Variants in ARHGAP24 observed in about 807,000 individuals in gnomAD.
ARHGAP24 encodes the protein rho GTPase-activating protein 24.
Under a neutral mutation model 76.4 loss-of-function variants are expected in ARHGAP24, and 50 were observed. The observed-to-expected ratio is 0.65, with a 90% CI of 0.52 to 0.83. ARHGAP24 has a LOEUF of 0.83. Ranked by LOEUF, ARHGAP24 falls within the 40% of genes least tolerant of loss-of-function variation. The probability of loss-of-function intolerance (pLI) is 0.00; values close to 1 mark genes in which losing one functional copy is unlikely to be tolerated. For missense variants in ARHGAP24, 930 were observed against 914.2 expected (o/e 1.02, Z -0.22); for synonymous variants, 345 against 323.3 (o/e 1.07, Z -0.72).
intron 1 of ARHGAP24, among the ~76,000 whole-genome samples, chr4:85,532,056 A>C (rs919698490): frequency 6.6e-6 from 1 of 152,000 alleles, no homozygotes; most frequent in Admixed American, 6.6e-5. Flanking sequence ...GCAAAGCACA[A>C]ATGTTTATCA....
intron 2 of ARHGAP24, among the ~76,000 whole-genome samples, chr4:85,579,444 C>G (rs1348555882): frequency 6.7e-6 from 1 of 148,386 alleles, no homozygotes; most frequent in South Asian, 2.1e-4. Context: ...TTTTTTTGCC[C>G]TTGATATATT....
chr4:85,630,121 TC>T (rs1375388433), intron 2 of ARHGAP24, among the ~76,000 whole-genome samples: 1 of 152,130 alleles, frequency 6.6e-6, no homozygotes. Context: ...CTTGACTGAG[TC>T]TGCGGTTGAA....
intron 2 of ARHGAP24, among the ~76,000 whole-genome samples, chr4:85,700,407 ATAAATAAAT>A (rs139686840): frequency 0.43 from 60,967 of 141,022 alleles, 16,347 homozygotes; most frequent in Non-Finnish European, 0.6. Context: ...AAAAAAAAAA[ATAAATAAAT>A]AAAGAAGAAG....
At chr4:85,974,450 C>G (rs915430371) in intron 6 of ARHGAP24, among the ~76,000 whole-genome samples, 2 of 152,086 alleles carry the variant, frequency 1.3e-5, no homozygotes, top group African/African-American at 4.8e-5. Context: ...TTCAATTATC[C>G]TCCCTCCCCA....
At chr4:85,811,117 C>T (rs1203934503) in intron 3 of ARHGAP24, among the ~76,000 whole-genome samples, 2 of 152,172 alleles carry the variant, frequency 1.3e-5, no homozygotes, top group African/African-American at 4.8e-5. Flanking sequence ...ATTTGAACTA[C>T]ATGGCTACTA....
chr4:85,957,101 G>A (rs1388893375), intron 5 of ARHGAP24, among the ~76,000 whole-genome samples: 1 of 152,096 alleles, frequency 6.6e-6, no homozygotes, highest in African/African-American at 2.4e-5. Context: ...GTTGCAAGCC[G>A]CTTGTTTAAA....
chr4:85,864,025 T>A (rs345352), intron 3 of ARHGAP24, among the ~76,000 whole-genome samples: 3 of 151,986 alleles, frequency 2.0e-5, no homozygotes, highest in African/African-American at 7.3e-5. Context: ...AGACTGGTCG[T>A]CCCATCTTAA....
chr4:86,001,388 G>A lies in ARHGAP24; in HGVS notation c.*666G>A, dbSNP rs1031398385. The stretch of plus-strand genomic sequence containing the variant: ...GCTTTTGCGAGGCGATTTGACATAG[G>A]AACTTTGAGACTCCATGAGAAAGTC... On this transcript the variant is annotated 3_prime_UTR_variant, in exon 10 of 10. Coordinates refer to ENST00000395184, the MANE Select transcript of ARHGAP24 (RefSeq NM_001025616.3). 1 of 398,838 alleles carries A rather than the reference G, an allele frequency of 2.5e-6. No homozygotes were observed. The highest frequency in any genetic ancestry group is 4.4e-6 in the Non-Finnish European group (1 of 226,134). 24.7% of individuals were successfully genotyped at this position (398,838 alleles called of 1,614,324 possible). A position where few individuals can be genotyped will look rare whatever the true frequency, so the allele number is the denominator to read the frequency against.
intron 2 of ARHGAP24, among the ~76,000 whole-genome samples, chr4:85,640,332 T>A (rs1462641569): frequency 1.3e-5 from 2 of 152,174 alleles, no homozygotes; most frequent in Non-Finnish European, 2.9e-5. Context: ...CACCTTTCCA[T>A]CTGCTCTCTC....
chr4:85,985,438 A>G (rs1739927444), intron 8 of ARHGAP24, among the ~76,000 whole-genome samples: 1 of 152,192 alleles, frequency 6.6e-6, no homozygotes, highest in South Asian at 2.1e-4. Context: ...GGATGAGAAC[A>G]CATGGACAGA....
At chr4:85,696,866 C>T (rs564027562) in intron 2 of ARHGAP24, among the ~76,000 whole-genome samples, 1 of 152,110 alleles carries the variant, frequency 6.6e-6, no homozygotes, top group African/African-American at 2.4e-5. Context: ...ATAAAGGGAA[C>T]ATTGATCAAC....
At chr4:85,480,981 A>T (rs1722793471) in intron 1 of ARHGAP24, among the ~76,000 whole-genome samples, 1 of 152,108 alleles carries the variant, frequency 6.6e-6, no homozygotes, top group Non-Finnish European at 1.5e-5. Context: ...AAAATAAAGT[A>T]ATTTTTCAAA....
chr4:85,571,346 A>G (rs1727132853), intron 2 of ARHGAP24, among the ~76,000 whole-genome samples: 1 of 152,246 alleles, frequency 6.6e-6, no homozygotes, highest in African/African-American at 2.4e-5. Context: ...ATGAGAGAGA[A>G]GAATAATCTT....
intron 3 of ARHGAP24, among the ~76,000 whole-genome samples, chr4:85,824,436 TACA>T (rs1398628499): frequency 2.2e-4 from 34 of 152,194 alleles, no homozygotes; most frequent in Non-Finnish European, 1.5e-5. Flanking sequence ...GTGGAAATAC[TACA>T]AGGATTTCAG....
chr4:85,833,755 A>G (rs1163820562), intron 3 of ARHGAP24, among the ~76,000 whole-genome samples: 4 of 152,234 alleles, frequency 2.6e-5, no homozygotes, highest in Non-Finnish European at 4.4e-5. Flanking sequence ...CAGTTTTCTA[A>G]AACAGTCATG....
chr4:85,734,582 G>A (rs1224207108), intron 3 of ARHGAP24, among the ~76,000 whole-genome samples: 1 of 149,730 alleles, frequency 6.7e-6, no homozygotes, highest in Non-Finnish European at 1.5e-5. Flanking sequence ...GTCAAGGCAG[G>A]CAATTAAGGC....
chr4:85,605,881 A>G (rs568607038), intron 2 of ARHGAP24, among the ~76,000 whole-genome samples: 14 of 152,346 alleles, frequency 9.2e-5, no homozygotes, highest in African/African-American at 2.9e-4. Flanking sequence ...ACAGGGAACA[A>G]TAGGGTTGGA....
intron 3 of ARHGAP24, among the ~76,000 whole-genome samples, chr4:85,787,853 A>G (rs1187242593): frequency 6.6e-6 from 1 of 152,156 alleles, no homozygotes; most frequent in African/African-American, 2.4e-5. Flanking sequence ...ACACTGGGAA[A>G]ATCTAAGAGC....
intron 3 of ARHGAP24, among the ~76,000 whole-genome samples, chr4:85,880,482 C>T (rs1326519534): frequency 1.3e-5 from 2 of 151,882 alleles, no homozygotes; most frequent in Non-Finnish European, 2.9e-5. Context: ...AATGGCTTTT[C>T]CGCCTTAACT....
Sources: gnomAD v4.1 joint callset for allele counts (sites outside exome capture counted in the v4.1 genomes callset) on GRCh38, gnomAD v4.1.1 for gene constraint, MANE v1.5 for transcripts, NCBI Gene and HGNC (gene_info 2026-07-23, HGNC 2026-07-21) for gene names.